The following TRIM42 variants were observed in gnomAD, a reference collection of about 807,000 sequenced individuals.
TRIM42 encodes tripartite motif containing 42.
TRIM42 carries 59 observed loss-of-function variants against 64.9 expected under a neutral mutation model. The ratio of observed to expected loss-of-function variants is 0.91; its 90% CI spans 0.74 to 1.13. The LOEUF is 1.13. Among genes scored for constraint, TRIM42 ranks in the 50% most tolerant of loss-of-function variants. The pLI, the probability that TRIM42 is intolerant of heterozygous loss-of-function variation, is 0.00. For synonymous variants in TRIM42, 354 were observed against 346.3 expected, an observed-to-expected ratio of 1.02 and a Z score of -0.25; for missense variants, 878 against 929.5, an observed-to-expected ratio of 0.94 and a Z score of 0.72.
chr3:140,700,139 A>C (rs916626038), intron 4 of TRIM42, among the ~76,000 whole-genome samples: 4 of 152,152 alleles, frequency 2.6e-5, no homozygotes, highest in Non-Finnish European at 5.9e-5. Flanking sequence ...CTGCCAGACC[A>C]CAGTAGTGAA....
chr3:140,688,517 C>G lies in TRIM42; in HGVS notation c.1835C>G (p.Thr612Ser), dbSNP rs1988623096. The change falls in exon 3 of 5, where the codon ACT (threonine) becomes AGT (serine). Residue 612 changes from threonine (T) to serine (S), a missense_variant. Coordinates refer to ENST00000286349, the MANE Select transcript of TRIM42 (RefSeq NM_152616.5). Reference sequence around the variant, plus strand: ...CCAGGCCCAATTGTTATCTACCAGACTCTGGTGTACCCAAGAGCTGCCAAG... The same window carrying G: ...CCAGGCCCAATTGTTATCTACCAGAGTCTGGTGTACCCAAGAGCTGCCAAG... ...KTPGPIVIYQ[T>S]LVYPRAAKVY... The G allele has an allele frequency of 1.9e-6, 3 of 1,612,198 alleles. No individual in the cohort carries two copies. Among genetic ancestry groups the G allele is most frequent in the Non-Finnish European group, 2.5e-6 (3 of 1,178,924 alleles).
chr3:140,685,592 C>G (rs1008818820), intron 2 of TRIM42, among the ~76,000 whole-genome samples: 1 of 152,150 alleles, frequency 6.6e-6, no homozygotes, highest in Admixed American at 6.5e-5. Flanking sequence ...CTGAAAACTG[C>G]CTCACCTGGC....
chr3:140,685,345 A>T (rs1306571737), intron 2 of TRIM42, among the ~76,000 whole-genome samples: 2 of 152,064 alleles, frequency 1.3e-5, no homozygotes, highest in African/African-American at 4.8e-5. Context: ...ATGGAATTTT[A>T]AAAAACTCCT....
At chr3:140,690,688 C>T (rs1159078823) in intron 3 of TRIM42, among the ~76,000 whole-genome samples, 4 of 150,544 alleles carry the variant, frequency 2.7e-5, no homozygotes, top group South Asian at 2.1e-4. Flanking sequence ...CTCTATTTTT[C>T]GGTATTTTTC....
intron 2 of TRIM42, among the ~76,000 whole-genome samples, chr3:140,687,520 G>A (rs73233023): frequency 0.021 from 3,136 of 152,274 alleles, 50 homozygotes; most frequent in Middle Eastern, 0.031. Context: ...GGATCAGAGG[G>A]GGAAGAAGGG....
At chr3:140,693,174 A>T (rs1419709666) in intron 4 of TRIM42, among the ~76,000 whole-genome samples, 1 of 152,272 alleles carries the variant, frequency 6.6e-6, no homozygotes, top group Admixed American at 6.5e-5. Context: ...GAAGAAATAA[A>T]TTGATAAAAT....
At chr3:140,690,153 G>T (rs1176417745) in intron 3 of TRIM42, among the ~76,000 whole-genome samples, 1 of 152,144 alleles carries the variant, frequency 6.6e-6, no homozygotes, top group African/African-American at 2.4e-5. Flanking sequence ...CAATGCAGAA[G>T]ATTAAGTTTA....
At position 140,692,562 on chromosome 3, in the gene TRIM42, CAG is replaced by C. The variant is rs772925740; in HGVS notation, c.2085+1378_2085+1379del. ...ACACACACACACACACACACACACA[CAG>C]AGAGAGATAGAGAGAGAGAGAGAGA... On this transcript the variant is annotated intron_variant, in intron 4 of 4. Transcript: ENST00000286349. 1.3e-3 allele frequency among the ~76,000 whole-genome samples: 147 copies of C among 114,194 alleles called. 1 individual carries two copies. Among genetic ancestry groups the C allele is most frequent in the African/African-American group, 3.6e-3 (123 of 34,140 alleles). The allele number at this position is 114,194 out of a possible 152,430, so 74.9% of individuals were successfully genotyped here.
chr3:140,680,738 T>G lies in TRIM42; in HGVS notation c.342-1724T>G, dbSNP rs1011378942. Reference sequence around the variant, plus strand: ...GTGAGAACATCGAGGCCAGCATGCCTAGAGCTCCCAGATCCCTAAGGGACA... The same window carrying G: ...GTGAGAACATCGAGGCCAGCATGCCGAGAGCTCCCAGATCCCTAAGGGACA... On this transcript the variant is annotated intron_variant, in intron 1 of 4. Transcript: ENST00000286349. 1.5e-5 allele frequency: 15 copies of G among 984,276 alleles called. No individual in the cohort carries two copies. The Admixed American group carries it at 7.4e-4, about 48-fold the overall frequency. 61.0% of individuals were successfully genotyped at this position (984,276 alleles called of 1,614,324 possible).
At chr3:140,678,707 T>G in intron 1 of TRIM42, 137 bp downstream of exon 1, 1 of 691,520 alleles carries the variant, frequency 1.4e-6, no homozygotes. Context: ...CCAAGAATTT[T>G]GTAGCAATTA....
chr3:140,692,966 T>C (rs1174832750), intron 4 of TRIM42, among the ~76,000 whole-genome samples: 2 of 152,264 alleles, frequency 1.3e-5, no homozygotes, highest in African/African-American at 4.8e-5. Context: ...TGGCTTTTCT[T>C]AGGTAGAGGC....
intron 3 of TRIM42, among the ~76,000 whole-genome samples, chr3:140,690,558 TA>T: frequency 2.0e-5 from 1 of 50,448 alleles, no homozygotes; most frequent in Non-Finnish European, 7.8e-5. Context: ...TATATATATA[TA>T]TATATATATA....
At chr3:140,683,325 C>T (rs544435499) in intron 2 of TRIM42, among the ~76,000 whole-genome samples, 166 bp downstream of exon 2, 1 of 152,236 alleles carries the variant, frequency 6.6e-6, no homozygotes, top group East Asian at 1.9e-4. Context: ...TCCTGGTGTC[C>T]GCTCCTGGCA....
intron 1 of TRIM42, chr3:140,680,839 G>C (rs368828933): frequency 2.5e-5 from 8 of 321,090 alleles, no homozygotes; most frequent in South Asian, 2.5e-4. Context: ...ATATACTTGG[G>C]AAGCACCTGT....
In TRIM42 at chr3:140,688,263, C is replaced by T. The variant is rs1380220947; in HGVS notation, c.1581C>T (p.Leu527=). 3.7e-6 allele frequency: 6 copies of T among 1,614,086 alleles called. No homozygotes were observed. The highest frequency in any genetic ancestry group is 1.3e-5 in the African/African-American group (1 of 74,928). The part of the protein sequence containing the change: ...ARKVTFSTHS[L]GNQHIYQRSS... The stretch of plus-strand genomic sequence containing the variant: ...AGGTCACTTTCAGCACCCACAGCCT[C>T]GGCAACCAGCACATATACCAGCGAA... The change falls in exon 3 of 5, where the codon CTC becomes CTT. Residue 527 remains leucine, a synonymous_variant. Coordinates refer to ENST00000286349, the MANE Select transcript of TRIM42 (RefSeq NM_152616.5).
At chr3:140,683,351 T>C (rs1576416438) in intron 2 of TRIM42, among the ~76,000 whole-genome samples, 192 bp downstream of exon 2, 2 of 152,294 alleles carry the variant, frequency 1.3e-5, no homozygotes, top group East Asian at 3.9e-4. Context: ...CACCAGCCAC[T>C]TAACTTCCCC....
At chr3:140,699,158 T>G (rs1988930776) in intron 4 of TRIM42, among the ~76,000 whole-genome samples, 1 of 152,228 alleles carries the variant, frequency 6.6e-6, no homozygotes, top group South Asian at 2.1e-4. Context: ...TGATACTAAA[T>G]TCCACTTCCA....
In TRIM42 at chr3:140,682,573, G is replaced by A. The variant is rs115808035; in HGVS notation, c.453G>A (p.Arg151=). ...ACCTCAATTGCCCCATGTGCAGCCGGCTGCGCCTGCACTCATTCATGCTGC... is the reference window on the plus strand; with the variant it reads ...ACCTCAATTGCCCCATGTGCAGCCGACTGCGCCTGCACTCATTCATGCTGC... The part of the protein sequence containing the change: ...VNHLNCPMCS[R]LRLHSFMLPC... Residue 151 remains arginine, a synonymous_variant, in exon 2 of 5, where the codon CGG becomes CGA. Coordinates refer to ENST00000286349, the MANE Select transcript of TRIM42 (RefSeq NM_152616.5). The A allele has an allele frequency of 1.1e-5, 18 of 1,614,200 alleles. No individual in the cohort carries two copies. In the East Asian group the frequency reaches 4.0e-4, roughly 36 times the overall value.
chr3:140,698,338 A>C (rs1988910308), intron 4 of TRIM42, among the ~76,000 whole-genome samples: 2 of 152,238 alleles, frequency 1.3e-5, no homozygotes, highest in South Asian at 4.1e-4. Context: ...ACATTTACTC[A>C]AACCATAGTC....
Sources: gnomAD v4.1 joint callset for allele counts (sites outside exome capture counted in the v4.1 genomes callset) on GRCh38, gnomAD v4.1.1 for gene constraint, MANE v1.5 for transcripts, NCBI Gene and HGNC (gene_info 2026-07-23, HGNC 2026-07-21) for gene names.